The following ST7 variants were observed in gnomAD, a reference collection of about 807,000 sequenced individuals.
ST7 encodes suppressor of tumorigenicity 7 protein.
A neutral mutation model predicts 78.7 loss-of-function variants in ST7; 28 were observed. The observed-to-expected ratio is 0.36, with a 90% CI of 0.26 to 0.49. ST7 has a LOEUF of 0.49. Ranked by LOEUF, ST7 falls within the 20% of genes least tolerant of loss-of-function variation. The pLI, the probability that ST7 is intolerant of heterozygous loss-of-function variation, is 0.99. For synonymous variants in ST7, 247 were observed against 249.6 expected (o/e 0.99, Z 0.10); for missense variants, 418 against 696.0 (o/e 0.60, Z 4.49).
At chr7:116,972,339 A>T (rs759652655) in intron 1 of ST7, 2 of 607,380 alleles carry the variant, frequency 3.3e-6, no homozygotes, top group Non-Finnish European at 6.0e-6. Context: ...TATCAGTAAG[A>T]ATCTTGATCT....
intron 1 of ST7, among the ~76,000 whole-genome samples, chr7:117,022,174 G>T (rs1795952911): frequency 6.6e-6 from 1 of 152,200 alleles, no homozygotes; most frequent in East Asian, 1.9e-4. Context: ...TGTATGGTAT[G>T]TGTGAAAACT....
At chr7:117,028,083 C>T (rs1022829216) in intron 1 of ST7, among the ~76,000 whole-genome samples, 4 of 152,070 alleles carry the variant, frequency 2.6e-5, no homozygotes, top group East Asian at 1.9e-4. Context: ...GAACAAATGA[C>T]CCAAACAAAA....
intron 12 of ST7, among the ~76,000 whole-genome samples, chr7:117,208,657 T>C (rs1792000405): frequency 1.3e-5 from 2 of 152,218 alleles, no homozygotes; most frequent in African/African-American, 4.8e-5. Context: ...ACATTGATAG[T>C]TGTGCCATAG....
At chr7:117,049,835 G>C (rs543902871) in intron 1 of ST7, among the ~76,000 whole-genome samples, 17 of 152,222 alleles carry the variant, frequency 1.1e-4, no homozygotes, top group Admixed American at 1.1e-3. Context: ...GTCCTTTCCA[G>C]CATCACTAGT....
At chr7:117,014,047 C>T (rs1353578446) in intron 1 of ST7, among the ~76,000 whole-genome samples, 2 of 152,132 alleles carry the variant, frequency 1.3e-5, no homozygotes, top group Non-Finnish European at 1.5e-5. Flanking sequence ...ACCAAACACC[C>T]CACTACTCCA....
In ST7 at chr7:116,980,250, G is replaced by A. The variant is rs567213310; in HGVS notation, c.151+26559G>A. Among the ~76,000 whole-genome samples, 5 of 152,136 alleles carry A rather than the reference G, an allele frequency of 3.3e-5. 1 individual carries two copies. Among genetic ancestry groups the A allele is most frequent in the East Asian group, 1.9e-4 (1 of 5,182 alleles). ...TGGGATTATAGCCATGAGCCACCAC[G>A]CCCAGCATTCATATTCCTGATCACC... is the stretch of plus-strand genomic sequence containing the variant. On this transcript the variant is annotated intron_variant, in intron 1 of 15. Transcript: ENST00000323984.
intron 1 of ST7, among the ~76,000 whole-genome samples, chr7:117,000,120 C>T (rs1794855809): frequency 6.6e-6 from 1 of 152,122 alleles, no homozygotes; most frequent in South Asian, 2.1e-4. Flanking sequence ...CTAGAATTTT[C>T]TTTTAAAGCC....
intron 2 of ST7, among the ~76,000 whole-genome samples, chr7:117,103,466 T>G (rs919764944): frequency 6.6e-6 from 1 of 152,224 alleles, no homozygotes; most frequent in African/African-American, 2.4e-5. Context: ...AGTCAACTCA[T>G]TTTCGACAAA....
chr7:117,099,436 T>C (rs1329396306), intron 1 of ST7, among the ~76,000 whole-genome samples: 1 of 152,248 alleles, frequency 6.6e-6, no homozygotes, highest in African/African-American at 2.4e-5. Flanking sequence ...TCTTTTTGGC[T>C]AACAGTTTTG....
chr7:117,175,468 C>T (rs1017154481), intron 10 of ST7, among the ~76,000 whole-genome samples: 1 of 152,102 alleles, frequency 6.6e-6, no homozygotes, highest in Non-Finnish European at 1.5e-5. Context: ...CAGGTCTGAG[C>T]ACTATAAGGT....
intron 10 of ST7, chr7:117,173,606 G>A (rs1808158380): frequency 6.6e-6 from 1 of 152,174 alleles, no homozygotes; most frequent in Non-Finnish European, 1.5e-5. Context: ...ACAGCTTTTA[G>A]GGCATTCTGA....
chr7:117,019,317 T>A (rs1254919505), intron 1 of ST7, among the ~76,000 whole-genome samples: 1 of 152,240 alleles, frequency 6.6e-6, no homozygotes, highest in African/African-American at 2.4e-5. Flanking sequence ...AAAGTTCATA[T>A]GCTTCTAGTA....
intron 9 of ST7, among the ~76,000 whole-genome samples, chr7:117,141,560 CT>C (rs923277650): frequency 6.6e-6 from 1 of 152,180 alleles, no homozygotes; most frequent in African/African-American, 2.4e-5. Context: ...AATTAGCTTC[CT>C]TTTGCAATCA....
At position 117,131,872 on chromosome 7, in the gene ST7, T is replaced by G; in HGVS notation, c.566-13T>G. ...TATGGATTGACTTGGTGTTTTCTCT[T>G]TTTCTTAAATAGTAATGCAGAAAGC... is the stretch of plus-strand genomic sequence containing the variant. On this transcript the variant is annotated splice_polypyrimidine_tract_variant and intron_variant, in intron 5 of 15. Coordinates refer to ENST00000323984, the MANE Select transcript of ST7 (RefSeq NM_001369598.1). 6.2e-7 allele frequency: 1 copy of G among 1,609,746 alleles called. No individual in the cohort carries two copies. Among genetic ancestry groups the G allele is most frequent in the African/African-American group, 1.3e-5 (1 of 74,778 alleles).
At chr7:117,076,856 G>T in intron 1 of ST7, among the ~76,000 whole-genome samples, 1 of 152,236 alleles carries the variant, frequency 6.6e-6, no homozygotes, top group Non-Finnish European at 1.5e-5. Context: ...ACATGAGGCG[G>T]CTGTCCTCTG....
At chr7:116,975,456 A>G (rs1052571248) in intron 1 of ST7, among the ~76,000 whole-genome samples, 2 of 151,948 alleles carry the variant, frequency 1.3e-5, no homozygotes, top group African/African-American at 4.8e-5. Flanking sequence ...CTCCCAGGCT[A>G]GAGTGCAGTG....
intron 4 of ST7, 134 bp from the exon 5 acceptor site, chr7:117,130,357 T>G: frequency 2.0e-6 from 1 of 511,720 alleles, no homozygotes; most frequent in South Asian, 4.0e-5. Context: ...TTTTAAAAAT[T>G]TTTTTTATTC....
chr7:117,002,481 T>A (rs1373104328), intron 1 of ST7, among the ~76,000 whole-genome samples: 2 of 152,102 alleles, frequency 1.3e-5, no homozygotes, highest in Non-Finnish European at 2.9e-5. Flanking sequence ...GATTTCAAGG[T>A]TCTAATACAA....
At chr7:117,171,230 C>G (rs990462981) in intron 10 of ST7, among the ~76,000 whole-genome samples, 51 of 152,140 alleles carry the variant, frequency 3.4e-4, no homozygotes, top group African/African-American at 1.2e-3. Flanking sequence ...CTCTCCCCAT[C>G]AGGCAGTTAT....
Sources: allele counts gnomAD v4.1 joint callset (sites outside exome capture counted in the v4.1 genomes callset), GRCh38; gene constraint gnomAD v4.1.1; transcripts MANE v1.5; gene names NCBI Gene and HGNC (gene_info 2026-07-23, HGNC 2026-07-21).